The following ABCC4 variants were observed in gnomAD, a reference collection of about 807,000 sequenced individuals.
The protein encoded by ABCC4 is ATP binding cassette subfamily C member 4 (PEL blood group).
A neutral mutation model predicts 168.5 loss-of-function variants in ABCC4; 102 were observed. The observed-to-expected ratio is 0.61, with a 90% CI of 0.52 to 0.71. The LOEUF (loss-of-function observed/expected upper bound fraction) is 0.71, where lower values mean the gene tolerates loss of function less well. ABCC4 is among the 30% of genes least tolerant of loss of function. ABCC4 has a pLI of 0.00. For missense variants in ABCC4, 1,402 were observed against 1,605.8 expected, an observed-to-expected ratio of 0.87 and a Z score of 2.17; for synonymous variants, 617 against 590.7, an observed-to-expected ratio of 1.04 and a Z score of -0.65.
At chr13:95,204,864 C>T (rs536512022) in intron 8 of ABCC4, among the ~76,000 whole-genome samples, 1 of 152,274 alleles carries the variant, frequency 6.6e-6, no homozygotes, top group Admixed American at 6.5e-5. Flanking sequence ...ATAACATGTA[C>T]AGGCTTCCAA....
chr13:95,120,548 C>G (rs57610523), intron 19 of ABCC4, among the ~76,000 whole-genome samples: 2 of 128,014 alleles, frequency 1.6e-5, no homozygotes, highest in South Asian at 2.6e-4. Context: ...CCAGGCTGGG[C>G]GACAGAACGA....
intron 22 of ABCC4, chr13:95,075,126 G>A: frequency 3.0e-6 from 1 of 333,174 alleles, no homozygotes; most frequent in Non-Finnish European, 5.6e-6. Flanking sequence ...GGCACACAAT[G>A]CCTAAAACAC....
intron 20 of ABCC4, among the ~76,000 whole-genome samples, chr13:95,114,041 T>C (rs896073017): frequency 3.3e-4 from 51 of 152,350 alleles, no homozygotes; most frequent in African/African-American, 1.2e-3. Context: ...AGTTATCCTT[T>C]AGATAAAACT....
chr13:95,275,795 G>A (rs2040957857), intron 1 of ABCC4, among the ~76,000 whole-genome samples: 1 of 149,944 alleles, frequency 6.7e-6, no homozygotes, highest in Admixed American at 6.7e-5. Flanking sequence ...GTCTAAAACT[G>A]TTAACACTGA....
chr13:95,226,314 A>C (rs1207155613), intron 4 of ABCC4, among the ~76,000 whole-genome samples: 1 of 152,142 alleles, frequency 6.6e-6, no homozygotes, highest in Non-Finnish European at 1.5e-5. Context: ...AGGTTGGGTA[A>C]CTTTCACTAT....
At chr13:95,171,055 C>A (rs1444093685) in intron 13 of ABCC4, among the ~76,000 whole-genome samples, 2 of 148,270 alleles carry the variant, frequency 1.3e-5, no homozygotes, top group African/African-American at 5.0e-5. Context: ...CAACGCCCCC[C>A]CTCCACCCCC....
intron 20 of ABCC4, among the ~76,000 whole-genome samples, chr13:95,110,985 G>GAAAAAAAAAAAAAAAAGAAAA (rs35464540): frequency 8.1e-6 from 1 of 123,292 alleles, no homozygotes; most frequent in African/African-American, 3.1e-5. Context: ...AAAAAAGAAA[G>GAAAAAAAAAAAAAAAAGAAAA]AAAAAAAAAA....
Position 95,103,887 on chromosome 13 carries a change from A to T in ABCC4, c.2535+12035T>A, listed in dbSNP as rs117472699. On this transcript the variant is annotated intron_variant, in intron 20 of 30. Coordinates refer to ENST00000645237, the MANE Select transcript of ABCC4 (RefSeq NM_005845.5). ...TCAAACCTCCTGATGCAGCTATTCC[A>T]CACTGCAGTGTCCCTGTAGATATCC... Among the ~76,000 whole-genome samples, 42 of 151,938 alleles carry T rather than the reference A, an allele frequency of 2.8e-4. 1 individual carries two copies. In the East Asian group the frequency reaches 7.2e-3, roughly 26 times the overall value.
rs968503087 is a variant in ABCC4 at position 95,028,887 on chromosome 13, C to T, written c.3870+5718G>A. Among the ~76,000 whole-genome samples, 8 of 152,012 alleles carry T rather than the reference C, an allele frequency of 5.3e-5. No individual in the cohort carries two copies. The East Asian group carries it at 1.2e-3, about 22-fold the overall frequency. On this transcript the variant is annotated intron_variant, in intron 30 of 30. Transcript: ENST00000645237. The stretch of plus-strand genomic sequence containing the variant: ...GCCATTAAAAAATGAGGTAACTGGC[C>T]GGTCATGGTGGCTCACGCCTGTAAT...
intron 1 of ABCC4, among the ~76,000 whole-genome samples, chr13:95,256,316 A>G (rs1463396613): frequency 6.6e-6 from 1 of 152,218 alleles, no homozygotes; most frequent in East Asian, 1.9e-4. Context: ...GTTCATTGCA[A>G]CTAGCAAGTG....
intron 1 of ABCC4, among the ~76,000 whole-genome samples, chr13:95,290,898 G>A (rs2041384782): frequency 6.7e-6 from 1 of 149,186 alleles, no homozygotes; most frequent in Admixed American, 6.8e-5. Context: ...TCGGGAGGCT[G>A]AGACAGGAGA....
chr13:95,089,121 G>A (rs994374766), intron 20 of ABCC4, among the ~76,000 whole-genome samples: 6 of 151,994 alleles, frequency 3.9e-5, no homozygotes, highest in African/African-American at 1.4e-4. Flanking sequence ...GGCAAAGACT[G>A]ACATAATAAA....
At chr13:95,063,739 A>G (rs2033390189) in intron 25 of ABCC4, among the ~76,000 whole-genome samples, 1 of 152,226 alleles carries the variant, frequency 6.6e-6, no homozygotes, top group Non-Finnish European at 1.5e-5. Context: ...CAAAGAATCA[A>G]TAAAATGCTG....
intron 20 of ABCC4, among the ~76,000 whole-genome samples, chr13:95,095,279 T>C (rs2034554100): frequency 6.7e-6 from 1 of 149,688 alleles, no homozygotes; most frequent in South Asian, 2.1e-4. Flanking sequence ...ATAAAGAAAC[T>C]GTGAGATTAT....
rs369050249 is a variant in ABCC4 at position 95,161,305 on chromosome 13, A to T, written c.2339T>A (p.Ile780Lys). The change falls in exon 19 of 31, where the codon ATA becomes AAA. Residue 780 changes from isoleucine (I) to lysine (K), a missense_variant. Coordinates refer to ENST00000645237, the MANE Select transcript of ABCC4 (RefSeq NM_005845.5). ...GLTVATVLFGIARSLLVFYVL... is the reference protein window; with the variant it reads ...GLTVATVLFGKARSLLVFYVL... ...GTAGAATACCAATAGAGATCTTGCT[A>T]TGCCAAAAAGAACGGTAGCTACAGT... 5 of 1,596,744 alleles carry T rather than the reference A, an allele frequency of 3.1e-6. No individual in the cohort carries two copies. Among genetic ancestry groups the T allele is most frequent in the African/African-American group, 1.3e-5 (1 of 74,180 alleles).
chr13:95,026,195 C>T lies in ABCC4; in HGVS notation c.3871-4513G>A, dbSNP rs536135694. On this transcript the variant is annotated intron_variant, in intron 30 of 30. Transcript: ENST00000645237. ...TGGAGGGTGCAGTGAGCCAAGAGCA[C>T]GCCACTGCACTCCAGTTTGTGGAAT... Among the ~76,000 whole-genome samples the T allele has an allele frequency of 3.9e-5, 6 of 152,122 alleles. No individual in the cohort carries two copies. In the East Asian group the frequency reaches 7.7e-4, roughly 20 times the overall value.
chr13:95,061,669 T>TAAA (rs11339914), intron 26 of ABCC4, among the ~76,000 whole-genome samples: 2 of 126,688 alleles, frequency 1.6e-5, no homozygotes, highest in Non-Finnish European at 3.3e-5. Flanking sequence ...TATAGAGTGT[T>TAAA]AAAAAAAAAA....
intron 1 of ABCC4, among the ~76,000 whole-genome samples, chr13:95,291,009 A>AAAAAAAAAAAAAAAAAAAG (rs1394530639): frequency 8.1e-6 from 1 of 123,354 alleles, no homozygotes; most frequent in Non-Finnish European, 1.7e-5. Flanking sequence ...AAAAAAAAAA[A>AAAAAAAAAAAAAAAAAAAG]AGAGGAAACC....
At chr13:95,298,232 T>G (rs1201822490) in intron 1 of ABCC4, among the ~76,000 whole-genome samples, 1 of 152,016 alleles carries the variant, frequency 6.6e-6, no homozygotes, top group Non-Finnish European at 1.5e-5. Flanking sequence ...GAGGTTGCAG[T>G]GAGCAGAGAT....
Sources: allele counts gnomAD v4.1 joint callset (sites outside exome capture counted in the v4.1 genomes callset), GRCh38; gene constraint gnomAD v4.1.1; transcripts MANE v1.5; gene names NCBI Gene and HGNC (gene_info 2026-07-23, HGNC 2026-07-21).